Variants in XPO7 observed in about 807,000 individuals in gnomAD.
XPO7 encodes exportin 7.
XPO7 carries 21 observed loss-of-function variants against 144.3 expected under a neutral mutation model. The ratio of observed to expected loss-of-function variants is 0.15; its 90% CI spans 0.10 to 0.21. The LOEUF (loss-of-function observed/expected upper bound fraction) is 0.21. Ranked by LOEUF, XPO7 falls within the 10% of genes least tolerant of loss-of-function variation. The probability of loss-of-function intolerance (pLI) is 1.00; values close to 1 mark genes in which losing one functional copy is unlikely to be tolerated. For synonymous variants in XPO7, 580 were observed against 499.6 expected (o/e 1.16, Z -2.15); for missense variants, 808 against 1,325.8 (o/e 0.61, Z 6.06).
intron 21 of XPO7, among the ~76,000 whole-genome samples, chr8:21,997,847 G>C (rs139292858): frequency 0.01 from 1,595 of 152,234 alleles, 34 homozygotes; most frequent in African/African-American, 0.036. Flanking sequence ...AGTGTGGTGG[G>C]GGGGAGGAAG....
intron 1 of XPO7, among the ~76,000 whole-genome samples, chr8:21,957,718 T>A (rs1175368309): frequency 1.3e-5 from 2 of 152,234 alleles, no homozygotes; most frequent in African/African-American, 4.8e-5. Context: ...GACGTTCTTA[T>A]GAAGCTCCTA....
intron 8 of XPO7, 80 bp from the exon 9 acceptor site, chr8:21,980,004 T>C (rs949313516): frequency 1.4e-6 from 2 of 1,402,938 alleles, no homozygotes; most frequent in Non-Finnish European, 1.9e-6. Context: ...AGAAGGATAT[T>C]GTAGGAGGTG....
chr8:21,945,403 T>A (rs1053172982), intron 1 of XPO7, among the ~76,000 whole-genome samples: 8 of 152,248 alleles, frequency 5.3e-5, no homozygotes, highest in Non-Finnish European at 7.3e-5. Flanking sequence ...TAAATTATAC[T>A]GGAACAGTTC....
At chr8:21,922,250 T>A (rs1009498550) in intron 1 of XPO7, among the ~76,000 whole-genome samples, 1 of 152,206 alleles carries the variant, frequency 6.6e-6, no homozygotes, top group Admixed American at 6.5e-5. Flanking sequence ...CAGGCTGATG[T>A]CTTGGATATC....
intron 1 of XPO7, among the ~76,000 whole-genome samples, chr8:21,953,196 C>A (rs959227721): frequency 6.6e-6 from 1 of 152,098 alleles, no homozygotes; most frequent in Non-Finnish European, 1.5e-5. Context: ...TCATAAAGAA[C>A]AGTTTCACTG....
intron 1 of XPO7, among the ~76,000 whole-genome samples, chr8:21,957,036 T>C (rs1296526693): frequency 6.6e-6 from 1 of 152,168 alleles, no homozygotes; most frequent in African/African-American, 2.4e-5. Context: ...AGTAATCAGG[T>C]GTGCCATTTG....
intron 1 of XPO7, among the ~76,000 whole-genome samples, chr8:21,940,335 T>C (rs746670598): frequency 5.9e-5 from 9 of 152,202 alleles, no homozygotes; most frequent in Non-Finnish European, 1.2e-4. Context: ...ATGTTAAGTG[T>C]ATTCTGATTA....
At chr8:21,920,927 C>T (rs1399089238) in intron 1 of XPO7, among the ~76,000 whole-genome samples, 1 of 152,176 alleles carries the variant, frequency 6.6e-6, no homozygotes, top group African/African-American at 2.4e-5. Flanking sequence ...AGTGGTGTGA[C>T]TTCTGCCCCT....
chr8:22,005,702 A>G lies in XPO7; in HGVS notation c.*614A>G, dbSNP rs1379452267. On this transcript the variant is annotated 3_prime_UTR_variant, in exon 28 of 28. Coordinates refer to ENST00000252512, the MANE Select transcript of XPO7 (RefSeq NM_015024.5). ...GCCCTGTCCTCACCCAGAAATGATC[A>G]ATTCCTGTTACTGTATTAACCCTTG... is the stretch of plus-strand genomic sequence containing the variant. 1 of 152,186 alleles carries G rather than the reference A, an allele frequency of 6.6e-6. No individual in the cohort carries two copies. The highest frequency in any genetic ancestry group is 1.9e-4 in the East Asian group (1 of 5,204). 9.4% of individuals were successfully genotyped at this position (152,186 alleles called of 1,614,324 possible). A position where few individuals can be genotyped will look rare whatever the true frequency, so the allele number is the denominator to read the frequency against.
intron 1 of XPO7, among the ~76,000 whole-genome samples, chr8:21,950,894 G>A (rs1226569178): frequency 2.6e-5 from 4 of 152,004 alleles, no homozygotes; most frequent in Middle Eastern, 3.4e-3. Flanking sequence ...GGCTGAGGAG[G>A]GTGGATCACT....
chr8:21,952,609 C>A (rs1811407753), intron 1 of XPO7, among the ~76,000 whole-genome samples: 1 of 152,168 alleles, frequency 6.6e-6, no homozygotes, highest in South Asian at 2.1e-4. Context: ...GAAGGACTTT[C>A]TATATAGATC....
At chr8:21,955,724 CTTTTTT>C (rs71544845) in intron 1 of XPO7, among the ~76,000 whole-genome samples, 36,451 of 102,120 alleles carry the variant, frequency 0.36, 4,863 homozygotes, top group Middle Eastern at 0.42. Flanking sequence ...CTGTGCTTAC[CTTTTTT>C]TTTTTTTTTT....
chr8:21,997,676 C>T (rs1488573718), intron 21 of XPO7, among the ~76,000 whole-genome samples: 1 of 152,008 alleles, frequency 6.6e-6, no homozygotes, highest in African/African-American at 2.4e-5. Context: ...TGTGGGAAGC[C>T]GCTAGAGTGT....
chr8:21,920,126 G>GC (rs1244184694), intron 1 of XPO7, among the ~76,000 whole-genome samples: 3 of 69,946 alleles, frequency 4.3e-5, no homozygotes, highest in Admixed American at 3.0e-4. Context: ...CCCCCCGCCC[G>GC]CCCCCCGGTG....
chr8:21,987,027 A>G, intron 13 of XPO7, 114 bp from the exon 14 acceptor site: 1 of 1,463,114 alleles, frequency 6.8e-7, no homozygotes. Context: ...ATTTGGTTGC[A>G]GGAGGTTGCT....
At chr8:21,981,700 A>C in intron 9 of XPO7, 31 bp from the exon 10 acceptor site, 1 of 1,611,716 alleles carries the variant, frequency 6.2e-7, no homozygotes, top group Non-Finnish European at 8.5e-7. Flanking sequence ...GGCACATTTT[A>C]CATTTTATTT....
chr8:21,969,687 T>A, intron 3 of XPO7, 111 bp downstream of exon 3: 1 of 1,079,202 alleles, frequency 9.3e-7, no homozygotes, highest in Non-Finnish European at 1.3e-6. Context: ...TTGCTAACCA[T>A]ACAAAATGTC....
In XPO7 at chr8:21,941,840, G is replaced by A. The variant is rs546965390; in HGVS notation, c.18+22052G>A. Among the ~76,000 whole-genome samples the A allele has an allele frequency of 9.8e-5, 15 of 152,290 alleles. No homozygotes were observed. In the East Asian group the frequency reaches 2.9e-3, roughly 29 times the overall value. ...ACTACTGGCGCATGCCACCAGTAGT[G>A]AATTTTTTAAATTTTCGTTGTTGTT... On this transcript the variant is annotated intron_variant, in intron 1 of 27. Coordinates refer to ENST00000252512, the MANE Select transcript of XPO7 (RefSeq NM_015024.5).
intron 10 of XPO7, 48 bp from the exon 11 acceptor site, chr8:21,982,592 A>T: frequency 6.5e-7 from 1 of 1,528,548 alleles, no homozygotes; most frequent in Non-Finnish European, 8.8e-7. Flanking sequence ...TGGGACTAAC[A>T]CGTACAGAAA....
Sources: gnomAD v4.1 joint callset for allele counts (sites outside exome capture counted in the v4.1 genomes callset) on GRCh38, gnomAD v4.1.1 for gene constraint, MANE v1.5 for transcripts, NCBI Gene and HGNC (gene_info 2026-07-23, HGNC 2026-07-21) for gene names.